Variants in OTULIN observed in about 807,000 individuals in gnomAD.
OTULIN encodes OTU deubiquitinase with linear linkage specificity, also known as ubiquitin thioesterase otulin.
Under a neutral mutation model 39.6 loss-of-function variants are expected in OTULIN, and 15 were observed. The observed-to-expected ratio is 0.38, with a 90% CI of 0.25 to 0.58. OTULIN has a LOEUF of 0.58. Ranked by LOEUF, OTULIN falls within the 20% of genes least tolerant of loss-of-function variation. The pLI, the probability that OTULIN is intolerant of heterozygous loss-of-function variation, is 0.66. For missense variants in OTULIN, 319 were observed against 445.9 expected (o/e 0.72, Z 2.56); for synonymous variants, 156 against 170.3 (o/e 0.92, Z 0.65).
chr5:14,670,614 T>C (rs1735956287), intron 1 of OTULIN, among the ~76,000 whole-genome samples: 1 of 151,902 alleles, frequency 6.6e-6, no homozygotes, highest in Admixed American at 6.6e-5. Context: ...AATTAACTAA[T>C]TTTTTTTAGT....
the OTULIN span, chr5:14,711,287 C>A: frequency 1.2e-6 from 2 of 1,614,104 alleles, no homozygotes; most frequent in Non-Finnish European, 1.7e-6. Context: ...CCTCCGTGGC[C>A]GACTCATTCT....
At chr5:14,672,891 T>A (rs1736013539) in intron 1 of OTULIN, among the ~76,000 whole-genome samples, 1 of 152,094 alleles carries the variant, frequency 6.6e-6, no homozygotes, top group Non-Finnish European at 1.5e-5. Context: ...CATTTTGGGG[T>A]GAATCTTGGG....
chr5:14,689,924 A>G, intron 5 of OTULIN, 115 bp from the exon 6 acceptor site: 1 of 1,044,270 alleles, frequency 9.6e-7, no homozygotes, highest in East Asian at 2.4e-5. Flanking sequence ...TGTTGTGAGC[A>G]TTGGTAAGTG....
chr5:14,713,459 C>T, the OTULIN span: 5 of 1,559,244 alleles, frequency 3.2e-6, no homozygotes, highest in Non-Finnish European at 3.5e-6. This position sits in a 1 kb window ranked among gnomAD's most constrained non-coding sequence, Gnocchi z 4.4. Flanking sequence ...CTGGGGATTT[C>T]CCCTGAAAAT....
intron 1 of OTULIN, among the ~76,000 whole-genome samples, chr5:14,667,224 C>G (rs1454769249): frequency 6.6e-6 from 1 of 152,194 alleles, no homozygotes; most frequent in Non-Finnish European, 1.5e-5. Flanking sequence ...CGGGATGTGA[C>G]TCTGAAGGCT....
chr5:14,714,097 C>T, the OTULIN span, among the ~76,000 whole-genome samples: 15 of 152,388 alleles, frequency 9.8e-5, no homozygotes, highest in Non-Finnish European at 1.8e-4. Context: ...TCCCTGCCTG[C>T]GGTCAGAGGT....
At chr5:14,712,798 T>TG in the OTULIN span, 1 of 1,420,666 alleles carries the variant, frequency 7.0e-7, no homozygotes, top group Non-Finnish European at 9.7e-7. Flanking sequence ...CCATCCAACC[T>TG]GGTCAGTGGC....
intron 2 of OTULIN, among the ~76,000 whole-genome samples, chr5:14,675,872 C>T (rs1736091540): frequency 6.6e-6 from 1 of 152,224 alleles, no homozygotes. Context: ...GCCTGAGAGT[C>T]AGCAAACAAT....
intron 4 of OTULIN, among the ~76,000 whole-genome samples, chr5:14,682,682 C>G (rs535225959): frequency 4.6e-5 from 7 of 152,266 alleles, no homozygotes; most frequent in Non-Finnish European, 1.0e-4. Context: ...AATGCGATGG[C>G]TAGCAATGAT....
chr5:14,707,095 G>A, the OTULIN span: 2 of 152,162 alleles, frequency 1.3e-5, no homozygotes, highest in Non-Finnish European at 2.9e-5. Context: ...TGAAGACGTC[G>A]TCCTAAGTTT....
chr5:14,676,211 G>A (rs1736100376), intron 2 of OTULIN, among the ~76,000 whole-genome samples: 1 of 152,206 alleles, frequency 6.6e-6, no homozygotes, highest in South Asian at 2.1e-4. Context: ...ATTTCAACTT[G>A]TGGCTTACCA....
the OTULIN span, among the ~76,000 whole-genome samples, chr5:14,712,471 C>CCTGT: frequency 2.0e-5 from 3 of 152,276 alleles, no homozygotes; most frequent in Admixed American, 1.3e-4. Context: ...TGCCCGAGCT[C>CCTGT]CTGTCTTGGA....
chr5:14,702,265 T>TAA (rs1561009255), downstream of OTULIN, among the ~76,000 whole-genome samples: 2 of 151,600 alleles, frequency 1.3e-5, no homozygotes. Flanking sequence ...AAGGAAAGAG[T>TAA]GTACAGGGAT....
At chr5:14,681,650 A>G (rs781683012) in intron 4 of OTULIN, 43 bp downstream of exon 4, 3 of 1,573,052 alleles carry the variant, frequency 1.9e-6, no homozygotes, top group East Asian at 4.5e-5. Flanking sequence ...GTTTCAAACA[A>G]TTTTTGTGAG....
At chr5:14,681,740 T>C in intron 4 of OTULIN, 133 bp downstream of exon 4, 1 of 1,075,778 alleles carries the variant, frequency 9.3e-7, no homozygotes, top group Non-Finnish European at 1.3e-6. Context: ...TTCAGTTTTG[T>C]GTGGCTGGGG....
At chr5:14,711,237 T>A in the OTULIN span, 39 of 1,613,974 alleles carry the variant, frequency 2.4e-5, no homozygotes, top group East Asian at 6.5e-4. Flanking sequence ...GTCTGTCACC[T>A]CCTCTGTCGG....
At chr5:14,672,679 A>G (rs1405350765) in intron 1 of OTULIN, among the ~76,000 whole-genome samples, 1 of 152,136 alleles carries the variant, frequency 6.6e-6, no homozygotes, top group East Asian at 1.9e-4. Flanking sequence ...TGCCTCCTGA[A>G]GGACTTGATG....
At chr5:14,700,160 CT>C (rs1736768267), downstream of OTULIN, among the ~76,000 whole-genome samples, 1 of 152,128 alleles carries the variant, frequency 6.6e-6, no homozygotes, top group Admixed American at 6.5e-5. Flanking sequence ...TCTGTAACCA[CT>C]TTTGAGTTTT....
At chr5:14,666,973 A>G (rs1025980743) in intron 1 of OTULIN, among the ~76,000 whole-genome samples, 1 of 152,234 alleles carries the variant, frequency 6.6e-6, no homozygotes, top group Non-Finnish European at 1.5e-5. Context: ...ATCAATTTAA[A>G]TAGTGTAATG....
Sources: gnomAD v4.1 joint callset for allele counts (sites outside exome capture counted in the v4.1 genomes callset) on GRCh38, gnomAD v4.1.1 for gene constraint, Gnocchi (gnomAD v3.1) non-coding constraint, MANE v1.5 for transcripts, NCBI Gene and HGNC (gene_info 2026-07-23, HGNC 2026-07-21) for gene names.